The following LARS1 variants were observed in gnomAD, a reference collection of about 807,000 sequenced individuals.
LARS1 encodes leucine--tRNA ligase, cytoplasmic.
LARS1 carries 100 observed loss-of-function variants against 162.8 expected under a neutral mutation model. The observed-to-expected ratio is 0.61, with a 90% CI of 0.52 to 0.73. The LOEUF is 0.73. Ranked by LOEUF, LARS1 falls within the 30% of genes least tolerant of loss-of-function variation. The pLI, the probability that LARS1 is intolerant of heterozygous loss-of-function variation, is 0.00. For synonymous variants in LARS1, 457 were observed against 462.8 expected, an observed-to-expected ratio of 0.99 and a Z score of 0.16; for missense variants, 1,258 against 1,408.9, an observed-to-expected ratio of 0.89 and a Z score of 1.71.
At chr5:146,175,760 G>A (rs1325427296) in intron 2 of LARS1, among the ~76,000 whole-genome samples, 2 of 149,902 alleles carry the variant, frequency 1.3e-5, no homozygotes, top group Non-Finnish European at 3.0e-5. Flanking sequence ...CCCGGCAGGC[G>A]GAGCTTGCAG....
In LARS1 at chr5:146,148,846, C is replaced by T. The variant is rs188205929; in HGVS notation, c.1503+776G>A. Among the ~76,000 whole-genome samples, 8 of 152,190 alleles carry T rather than the reference C, an allele frequency of 5.3e-5. No individual in the cohort carries two copies. In the East Asian group the frequency reaches 1.2e-3, roughly 22 times the overall value. On this transcript the variant is annotated intron_variant, in intron 15 of 31. Transcript: ENST00000394434. Reference sequence around the variant, plus strand: ...ATCCCAGCACTTTGGGAGGCCAAGGCGAGTGGATCACCTGAGGTCGGGAGT... The same window carrying T: ...ATCCCAGCACTTTGGGAGGCCAAGGTGAGTGGATCACCTGAGGTCGGGAGT...
chr5:146,122,329 A>T (rs1751861889), intron 30 of LARS1, among the ~76,000 whole-genome samples, 163 bp downstream of exon 30: 1 of 152,128 alleles, frequency 6.6e-6, no homozygotes, highest in Admixed American at 6.6e-5. Context: ...CATTTCAGGT[A>T]CATCCCCATT....
chr5:146,144,082 G>T (rs1056121935), intron 18 of LARS1, among the ~76,000 whole-genome samples, 185 bp downstream of exon 18: 3 of 152,044 alleles, frequency 2.0e-5, no homozygotes, highest in Non-Finnish European at 4.4e-5. Context: ...ATATAGAGAG[G>T]GCATATTTCT....
intron 6 of LARS1, among the ~76,000 whole-genome samples, chr5:146,161,737 G>A (rs1393978813): frequency 7.0e-6 from 1 of 142,646 alleles, no homozygotes; most frequent in African/African-American, 2.5e-5. Flanking sequence ...TGGGCAACAA[G>A]AGCAAAACTC....
chr5:146,141,685 C>T (rs1752783818), intron 20 of LARS1, among the ~76,000 whole-genome samples: 1 of 151,914 alleles, frequency 6.6e-6, no homozygotes, highest in African/African-American at 2.4e-5. Context: ...TGTGGCTAGT[C>T]CCAGCTACTC....
At chr5:146,159,219 A>G (rs187042220) in intron 8 of LARS1, among the ~76,000 whole-genome samples, 188 bp downstream of exon 8, 23 of 152,296 alleles carry the variant, frequency 1.5e-4, no homozygotes, top group Admixed American at 1.4e-3. Flanking sequence ...CATGACTCTT[A>G]GGATAGCTAG....
Position 146,132,927 on chromosome 5 carries a change from G to A in LARS1, c.2367C>T (p.Ala789=). The A allele has an allele frequency of 5.0e-6, 8 of 1,613,956 alleles. No homozygotes were observed. Among genetic ancestry groups the A allele is most frequent in the Non-Finnish European group, 6.8e-6 (8 of 1,179,908 alleles). ...ANWDSLRSGP[A]STFNDRVFAS... is the part of the protein sequence containing the mutation. ...CAAAAACTCTATCATTGAAAGTGCT[G>A]GCAGGACCACTTCTTAGGCTGTCCC... The change falls in exon 23 of 32, where the codon GCC becomes GCT. Residue 789 remains alanine (A), a synonymous_variant. Coordinates refer to ENST00000394434, the MANE Select transcript of LARS1 (RefSeq NM_020117.11).
chr5:146,114,251 G>C lies in LARS1; in HGVS notation c.3386C>G (p.Pro1129Arg), dbSNP rs1201060998. Reference protein sequence around the residue: ...DDPLLGPRRVPVLGKEYTEKT... With the variant: ...DDPLLGPRRVRVLGKEYTEKT... ...CTCGGTGTACTCCTTTCCCAGGACA[G>C]GAACTCGTCGAGGCCCCAACAGTGG... Residue 1129 changes from proline to arginine, a missense_variant, in exon 32 of 32, where the codon CCT becomes CGT. By Grantham distance (103) the Pro-to-Arg change is moderately radical. Transcript: ENST00000394434. 6 of 1,613,580 alleles carry C rather than the reference G, an allele frequency of 3.7e-6. No homozygotes were observed. Among genetic ancestry groups the C allele is most frequent in the African/African-American group, 1.3e-5 (1 of 74,710 alleles).
chr5:146,143,694 A>C, intron 18 of LARS1, 144 bp from the exon 19 acceptor site: 1 of 818,958 alleles, frequency 1.2e-6, no homozygotes, highest in Non-Finnish European at 1.8e-6. Context: ...ATAAAAATAA[A>C]ATTGTAGATA....
At chr5:146,135,854 T>C (rs569840438) in intron 21 of LARS1, among the ~76,000 whole-genome samples, 190 bp from the exon 22 acceptor site, 16 of 152,334 alleles carry the variant, frequency 1.1e-4, no homozygotes, top group African/African-American at 3.4e-4. Flanking sequence ...GTGCCTTGTT[T>C]GGGTTACTCA....
chr5:146,115,041 G>C (rs188970290), intron 31 of LARS1, among the ~76,000 whole-genome samples: 1 of 107,438 alleles, frequency 9.3e-6, no homozygotes, highest in African/African-American at 4.1e-5. Context: ...AGATTCTGTC[G>C]GGGGGAAAAA....
At chr5:146,149,233 A>C (rs1480489403) in intron 15 of LARS1, among the ~76,000 whole-genome samples, 1 of 152,204 alleles carries the variant, frequency 6.6e-6, no homozygotes, top group Non-Finnish European at 1.5e-5. Context: ...TGGGTATACA[A>C]AGTTGTCAAA....
chr5:146,154,773 G>A (rs906915298), intron 10 of LARS1, among the ~76,000 whole-genome samples: 9 of 151,964 alleles, frequency 5.9e-5, no homozygotes, highest in Admixed American at 2.6e-4. Flanking sequence ...GGGAGACCCC[G>A]TCTCAAAAAA....
intron 2 of LARS1, among the ~76,000 whole-genome samples, chr5:146,174,225 G>A (rs930173095): frequency 1.4e-4 from 21 of 148,614 alleles, no homozygotes; most frequent in East Asian, 3.9e-4. Flanking sequence ...GGAGGCGGGC[G>A]GATCACCTGA....
intron 24 of LARS1, 59 bp downstream of exon 24, chr5:146,130,959 GA>G (rs1752250523): frequency 1.2e-5 from 11 of 936,422 alleles, no homozygotes; most frequent in South Asian, 3.5e-5. Flanking sequence ...AAAAAAGGGG[GA>G]AAATACATAA....
At chr5:146,136,383 G>T (rs1430472838) in intron 21 of LARS1, among the ~76,000 whole-genome samples, 2 of 152,076 alleles carry the variant, frequency 1.3e-5, no homozygotes, top group East Asian at 1.9e-4. Context: ...AAGAAGAAAT[G>T]AGTTCAATAA....
At chr5:146,141,447 A>G (rs1408788155) in intron 20 of LARS1, among the ~76,000 whole-genome samples, 2 of 152,254 alleles carry the variant, frequency 1.3e-5, no homozygotes, top group Non-Finnish European at 2.9e-5. Flanking sequence ...TGAAGATTCA[A>G]CTTATTGGTA....
chr5:146,157,514 C>G lies in LARS1; in HGVS notation c.954G>C (p.Thr318=). ...RPDMKYIGFE[T]VNGDIFICTQ... ...TACAGATGAATATATCACCATTCAC[C>G]GTCTCAAATCCAATGTACTTCATAT... Residue 318 remains threonine, a synonymous_variant, in exon 10 of 32, where the codon ACG becomes ACC. Transcript: ENST00000394434. 6.2e-7 allele frequency: 1 copy of G among 1,613,994 alleles called. No homozygotes were observed. Among genetic ancestry groups the G allele is most frequent in the Non-Finnish European group, 8.5e-7 (1 of 1,180,014 alleles).
intron 13 of LARS1, among the ~76,000 whole-genome samples, chr5:146,152,838 T>TGTTTA: frequency 6.6e-6 from 1 of 152,240 alleles, no homozygotes; most frequent in Non-Finnish European, 1.5e-5. Context: ...GTTAAAGTTA[T>TGTTTA]TATGGTTACA....
Sources: gnomAD v4.1 joint callset for allele counts (sites outside exome capture counted in the v4.1 genomes callset) on GRCh38, gnomAD v4.1.1 for gene constraint, MANE v1.5 for transcripts, NCBI Gene and HGNC (gene_info 2026-07-23, HGNC 2026-07-21) for gene names.